The following SPNS2 variants were observed in gnomAD, a reference collection of about 807,000 sequenced individuals.
SPNS2 encodes the protein sphingosine-1-phosphate transporter SPNS2.
In SPNS2, 37 loss-of-function variants were observed where a neutral mutation model predicts 57.6. The observed-to-expected ratio is 0.64, with a 90% CI of 0.49 to 0.85. The LOEUF (loss-of-function observed/expected upper bound fraction) is 0.85, where lower values mean the gene tolerates loss of function less well. Ranked by LOEUF, SPNS2 falls within the 40% of genes least tolerant of loss-of-function variation. The pLI is 0.00. For synonymous variants in SPNS2, 440 were observed against 346.9 expected (o/e 1.27, Z -2.98); for missense variants, 831 against 779.1 (o/e 1.07, Z -0.79).
At chr17:4,524,558 C>T (rs556062329) in intron 2 of SPNS2, among the ~76,000 whole-genome samples, 3 of 152,284 alleles carry the variant, frequency 2.0e-5, no homozygotes, top group Non-Finnish European at 4.4e-5. Flanking sequence ...GTGGCGCATG[C>T]CTGTAATGCC....
intron 3 of SPNS2, among the ~76,000 whole-genome samples, chr17:4,526,924 C>A (rs1378182434): frequency 6.6e-6 from 1 of 152,182 alleles, no homozygotes; most frequent in African/African-American, 2.4e-5. Flanking sequence ...TGGCCACAGT[C>A]AAAAATAAGG....
chr17:4,536,989 G>A, intron 12 of SPNS2, 43 bp downstream of exon 12: 3 of 1,607,274 alleles, frequency 1.9e-6, no homozygotes, highest in Non-Finnish European at 2.5e-6. Context: ...CCTAAGGAAA[G>A]GGGAAGGCCA....
At position 4,533,084 on chromosome 17, in the gene SPNS2, A is replaced by G. The variant is rs1905572664; in HGVS notation, c.1043A>G (p.Lys348Arg). 6.2e-7 allele frequency: 1 copy of G among 1,613,018 alleles called. No homozygotes were observed. The highest frequency in any genetic ancestry group is 8.5e-7 in the Non-Finnish European group (1 of 1,179,758). Residue 348 changes from lysine to arginine, a missense_variant, in exon 7 of 13, where the codon AAG becomes AGG. This residue lies in a region of SPNS2 where 526 missense variants were observed against 400.9 expected (regional missense o/e 1.31). Transcript: ENST00000329078. Reference sequence around the variant, plus strand: ...CTGCACCGCGCCCAAGTTGTGCAGAAGACAGCAGAGACGTGCAACAGCCCG... The same window carrying G: ...CTGCACCGCGCCCAAGTTGTGCAGAGGACAGCAGAGACGTGCAACAGCCCG... ...LYLHRAQVVQ[K>R]TAETCNSPPC...
At chr17:4,515,427 G>A (rs771811807) in intron 2 of SPNS2, among the ~76,000 whole-genome samples, 1 of 152,270 alleles carries the variant, frequency 6.6e-6, no homozygotes, top group Non-Finnish European at 1.5e-5. Context: ...CTGGGGGGGA[G>A]CCTGGATACC....
At chr17:4,532,783 A>AC in intron 6 of SPNS2, 99 bp downstream of exon 6, 6 of 1,481,076 alleles carry the variant, frequency 4.1e-6, no homozygotes, top group Non-Finnish European at 5.5e-6. Context: ...TCAGCCAGAC[A>AC]CCCCACCTCT....
At position 4,499,193 on chromosome 17, in the gene SPNS2, G is replaced by C; in HGVS notation, c.146G>C (p.Gly49Ala). The C allele has an allele frequency of 7.4e-7, 1 of 1,358,114 alleles. No individual in the cohort carries two copies. Among genetic ancestry groups the C allele is most frequent in the Non-Finnish European group, 9.5e-7 (1 of 1,055,304 alleles). 84.1% of individuals were successfully genotyped at this position (1,358,114 alleles called of 1,614,324 possible). Residue 49 changes from glycine (G) to alanine (A), a missense_variant, in exon 1 of 13, where the codon GGA becomes GCA. This residue lies in a region of SPNS2 where 305 missense variants were observed against 378.3 expected (regional missense o/e 0.81). Coordinates refer to ENST00000329078, the MANE Select transcript of SPNS2 (RefSeq NM_001124758.3). This position sits in a 1 kb window ranked among gnomAD's most constrained non-coding sequence, Gnocchi z 5.2. The stretch of plus-strand genomic sequence containing the variant: ...GGGGCGCGGGGCGCGGGCGGCGCTG[G>C]AGTCTCGGCCGCGGGCGATGAGGTG... ...CCGARGAGGA[G>A]VSAAGDEVQT...
intron 3 of SPNS2, among the ~76,000 whole-genome samples, chr17:4,527,964 AG>A (rs1047051426): frequency 7.2e-6 from 1 of 138,376 alleles, no homozygotes; most frequent in Admixed American, 8.1e-5. Flanking sequence ...AAAAAAAAAA[AG>A]GAAGCAATCT....
At position 4,499,587 on chromosome 17, in the gene SPNS2, G is replaced by T. The variant is rs1904401400; in HGVS notation, c.370+170G>T. 3 of 436,050 alleles carry T rather than the reference G, an allele frequency of 6.9e-6. No individual in the cohort carries two copies. The highest frequency in any genetic ancestry group is 1.2e-5 in the Non-Finnish European group (3 of 250,742). 27.0% of individuals were successfully genotyped at this position (436,050 alleles called of 1,614,324 possible). A position where few individuals can be genotyped will look rare whatever the true frequency, so the allele number is the denominator to read the frequency against. On this transcript the variant is annotated intron_variant, in intron 1 of 12. Coordinates refer to ENST00000329078, the MANE Select transcript of SPNS2 (RefSeq NM_001124758.3). The surrounding 1 kb of genome is among the most constrained non-coding windows in gnomAD (Gnocchi z 5.2). ...GCACAACTGGGCAAGGGATGCCTCC[G>T]TGCACCACGGGTACAATCCAGCTCC...
intron 9 of SPNS2, among the ~76,000 whole-genome samples, chr17:4,534,613 C>G (rs1031030982): frequency 1.3e-5 from 2 of 152,124 alleles, no homozygotes; most frequent in African/African-American, 4.8e-5. Context: ...GTGCCAGGCA[C>G]TGCGGCCCCT....
At position 4,537,554 on chromosome 17, in the gene SPNS2, C is replaced by T. The variant is rs1448905774; in HGVS notation, c.*106C>T. ...CTGCCCCAAAGCTTTCTGTGTGATCCACGGCTAGGCACCCACCCTCTCTGG... is the reference window on the plus strand; with the variant it reads ...CTGCCCCAAAGCTTTCTGTGTGATCTACGGCTAGGCACCCACCCTCTCTGG... On this transcript the variant is annotated 3_prime_UTR_variant, in exon 13 of 13. Coordinates refer to ENST00000329078, the MANE Select transcript of SPNS2 (RefSeq NM_001124758.3). 2.2e-6 allele frequency: 1 copy of T among 456,662 alleles called. No individual in the cohort carries two copies. Among genetic ancestry groups the T allele is most frequent in the Non-Finnish European group, 4.4e-6 (1 of 226,976 alleles). 28.3% of individuals were successfully genotyped at this position (456,662 alleles called of 1,614,324 possible).
chr17:4,530,254 T>C (rs1905405410), intron 3 of SPNS2, among the ~76,000 whole-genome samples: 2 of 152,136 alleles, frequency 1.3e-5, no homozygotes, highest in South Asian at 4.2e-4. Context: ...GGGTGGTGGC[T>C]TGAGGCTCCC....
chr17:4,525,298 CT>C, intron 3 of SPNS2, 105 bp downstream of exon 3: 1 of 1,473,208 alleles, frequency 6.8e-7, no homozygotes, highest in Non-Finnish European at 9.2e-7. Flanking sequence ...CTTCCAGCTC[CT>C]TTGCTTGAAC....
intron 5 of SPNS2, among the ~76,000 whole-genome samples, chr17:4,532,165 TCTGTC>T (rs1351487908): frequency 4.3e-5 from 3 of 70,124 alleles, no homozygotes; most frequent in South Asian, 5.7e-4. Context: ...CGTCTGTCCA[TCTGTC>T]CATCTATCCG....
chr17:4,517,623 T>G (rs1338046201), intron 2 of SPNS2, among the ~76,000 whole-genome samples: 2 of 151,866 alleles, frequency 1.3e-5, no homozygotes, highest in African/African-American at 2.4e-5. Context: ...ACCACTGCAC[T>G]CCAGCCTGGG....
At position 4,499,123 on chromosome 17, in the gene SPNS2, C is replaced by CGAGGA. The variant is rs1904370918; in HGVS notation, c.77_78insAGGAG (p.Arg27GlyfsTer40). 1 of 1,127,872 alleles carries CGAGGA rather than the reference C, an allele frequency of 8.9e-7. No homozygotes were observed. The highest frequency in any genetic ancestry group is 1.1e-6 in the Non-Finnish European group (1 of 921,776). The allele number at this position is 1,127,872 out of a possible 1,614,324, so 69.9% of individuals were successfully genotyped here. A position where few individuals can be genotyped will look rare whatever the true frequency, so the allele number is the denominator to read the frequency against. On this transcript the variant is annotated frameshift_variant, in exon 1 of 13. Coordinates refer to ENST00000329078, the MANE Select transcript of SPNS2 (RefSeq NM_001124758.3). LOFTEE classifies it high-confidence loss of function. The surrounding 1 kb of genome is among the most constrained non-coding windows in gnomAD (Gnocchi z 5.2). The stretch of plus-strand genomic sequence containing the variant: ...GGAGGCGGACGCGGAGCGGCGGCGC[C>CGAGGA]GGCGCCGGGGGGCGCAGCGAGGGGC...
In SPNS2 at chr17:4,515,834, G is replaced by T. The variant is rs149532073; in HGVS notation, c.436+2522G>T. Among the ~76,000 whole-genome samples, 261 of 152,298 alleles carry T rather than the reference G, an allele frequency of 1.7e-3. 3 individuals are homozygous for T. Among genetic ancestry groups the T allele is most frequent in the African/African-American group, 6.1e-3 (253 of 41,544 alleles). On this transcript the variant is annotated intron_variant, in intron 2 of 12. Coordinates refer to ENST00000329078, the MANE Select transcript of SPNS2 (RefSeq NM_001124758.3). ...GCTGGGCCAGGAGACAGGGAGTGGG[G>T]GTGGCTGAGGGTTAGGCCTGGGCTT...
Position 4,512,667 on chromosome 17 carries a change from T to TGTGTGTGC in SPNS2, c.371-577_371-576insTGTGCGTG. On this transcript the variant is annotated intron_variant, in intron 1 of 12. Coordinates refer to ENST00000329078, the MANE Select transcript of SPNS2 (RefSeq NM_001124758.3). This position sits in a 1 kb window ranked among gnomAD's most constrained non-coding sequence, Gnocchi z 5.2. ...GTGCGTGCGCGCGCACGGGTATGTGTGTGCGCGCGTGGGTGTGTATGCATG... is the reference window on the plus strand; with the variant it reads ...GTGCGTGCGCGCGCACGGGTATGTGTGTGTGTGCGTGCGCGCGTGGGTGTGTATGCATG... Among the ~76,000 whole-genome samples the TGTGTGTGC allele has an allele frequency of 6.6e-6, 1 of 150,952 alleles. No individual in the cohort carries two copies. The highest frequency in any genetic ancestry group is 2.4e-5 in the African/African-American group (1 of 41,056).
At chr17:4,506,228 C>G (rs1010374142) in intron 1 of SPNS2, among the ~76,000 whole-genome samples, 8 of 152,206 alleles carry the variant, frequency 5.3e-5, no homozygotes, top group African/African-American at 1.9e-4. Context: ...CAGTCCCTGG[C>G]CGCCTTGGCT....
chr17:4,524,462 A>T (rs1597366091), intron 2 of SPNS2, among the ~76,000 whole-genome samples: 1 of 152,234 alleles, frequency 6.6e-6, no homozygotes, highest in Non-Finnish European at 1.5e-5. Flanking sequence ...AAGTGGGTGG[A>T]TCACTTGAGG....
Sources: gnomAD v4.1 joint callset for allele counts (sites outside exome capture counted in the v4.1 genomes callset) on GRCh38, gnomAD v4.1.1 for gene constraint, gnomAD v4.1.1 regional missense constraint, Gnocchi (gnomAD v3.1) non-coding constraint, MANE v1.5 for transcripts, NCBI Gene and HGNC (gene_info 2026-07-23, HGNC 2026-07-21) for gene names.